CFAP100: variants seen among roughly 807,000 people sequenced by gnomAD.
The protein encoded by CFAP100 is cilia- and flagella-associated protein 100.
Under a neutral mutation model 81.5 loss-of-function variants are expected in CFAP100, and 70 were observed. That is an observed-to-expected ratio of 0.86 (90% CI 0.71 to 1.05). CFAP100 has a LOEUF of 1.05. Among genes scored for constraint, CFAP100 ranks in the 50% least tolerant of loss-of-function variants. The pLI is 0.00. For missense variants in CFAP100, 811 were observed against 776.5 expected, an observed-to-expected ratio of 1.04 and a Z score of -0.53; for synonymous variants, 341 against 314.8, an observed-to-expected ratio of 1.08 and a Z score of -0.88.
chr3:126,414,706 C>T (rs2083207180), intron 4 of CFAP100, among the ~76,000 whole-genome samples: 3 of 152,234 alleles, frequency 2.0e-5, no homozygotes, highest in African/African-American at 7.2e-5. Flanking sequence ...ACTCTTGCCC[C>T]ATCTTCACCC....
At chr3:126,429,356 T>C (rs1933090456) in intron 13 of CFAP100, among the ~76,000 whole-genome samples, 1 of 152,142 alleles carries the variant, frequency 6.6e-6, no homozygotes, top group Non-Finnish European at 1.5e-5. Flanking sequence ...CTCCTTATGT[T>C]TCTTTTTCTG....
intron 15 of CFAP100, 117 bp downstream of exon 15, chr3:126,434,498 C>A: frequency 2.0e-6 from 2 of 988,256 alleles, no homozygotes; most frequent in Non-Finnish European, 3.0e-6. Flanking sequence ...CTGCTCTGTG[C>A]TATGAGAGAC....
chr3:126,418,758 G>A lies in CFAP100; in HGVS notation c.634G>A (p.Val212Met), dbSNP rs113086673. 234 of 1,594,158 alleles carry A rather than the reference G, an allele frequency of 1.5e-4. No homozygotes were observed. The highest frequency in any genetic ancestry group is 2.4e-4 in the South Asian group (21 of 87,570). ...EFVRENDCSS[V>M]QAMRAAEKET... ...CGTCAGGGAGAATGACTGCAGCTCCGTGCAGGCCATGAGAGCGTGAGCCTG... is the reference window on the plus strand; with the variant it reads ...CGTCAGGGAGAATGACTGCAGCTCCATGCAGGCCATGAGAGCGTGAGCCTG... The change falls in exon 7 of 17, where the codon GTG (valine) becomes ATG (methionine). Residue 212 changes from valine (V) to methionine (M), a missense_variant. Val to Met is a conservative substitution (Grantham distance 21, BLOSUM62 1). Transcript: ENST00000352312.
rs138783883 is a variant in CFAP100 at position 126,425,641 on chromosome 3, C to T, written c.1286+1997C>T. Reference sequence around the variant, plus strand: ...GAAAGGAAAAGTAGACACCAATATCCTCAACATAGATGCAAAAATCCTCAA... The same window carrying T: ...GAAAGGAAAAGTAGACACCAATATCTTCAACATAGATGCAAAAATCCTCAA... On this transcript the variant is annotated intron_variant, in intron 13 of 16. Coordinates refer to ENST00000352312, the MANE Select transcript of CFAP100 (RefSeq NM_182628.3). Among the ~76,000 whole-genome samples the T allele has an allele frequency of 9.9e-5, 15 of 152,280 alleles. No individual in the cohort carries two copies. The East Asian group carries it at 2.7e-3, about 27-fold the overall frequency.
chr3:126,436,500 C>G lies in CFAP100; in HGVS notation c.*96C>G. ...TGGGTCTCGAGTGGCCCAACTGAGTCCTCTCTGTCTCCTGTGTGCTCCCTT... is the reference window on the plus strand; with the variant it reads ...TGGGTCTCGAGTGGCCCAACTGAGTGCTCTCTGTCTCCTGTGTGCTCCCTT... On this transcript the variant is annotated 3_prime_UTR_variant, in exon 17 of 17. Coordinates refer to ENST00000352312, the MANE Select transcript of CFAP100 (RefSeq NM_182628.3). 1.2e-6 allele frequency: 1 copy of G among 816,938 alleles called. No homozygotes were observed. The highest frequency in any genetic ancestry group is 1.6e-5 in the South Asian group (1 of 64,012). The allele number at this position is 816,938 out of a possible 1,614,324, so 50.6% of individuals were successfully genotyped here. A position where few individuals can be genotyped will look rare whatever the true frequency, so the allele number is the denominator to read the frequency against.
At chr3:126,406,718 C>T (rs561724518) in intron 2 of CFAP100, among the ~76,000 whole-genome samples, 14 of 152,262 alleles carry the variant, frequency 9.2e-5, no homozygotes, top group South Asian at 2.1e-4. Flanking sequence ...CCACTCCTCA[C>T]GGTGGGATAG....
rs914000435 is a variant in CFAP100 at position 126,434,181 on chromosome 3, G to A, written c.1428G>A (p.Lys476=). 5.0e-6 allele frequency: 8 copies of A among 1,609,330 alleles called. No homozygotes were observed. The highest frequency in any genetic ancestry group is 6.8e-6 in the Non-Finnish European group (8 of 1,176,742). Residue 476 remains lysine (K), a synonymous_variant, in exon 15 of 17, where the codon AAG becomes AAA. Transcript: ENST00000352312. ...GGAAGCCACCTCCTCCACAGGATAAGCTGCTAGAGAGCCTGAACTGCAAGG... is the reference window on the plus strand; with the variant it reads ...GGAAGCCACCTCCTCCACAGGATAAACTGCTAGAGAGCCTGAACTGCAAGG... ...FGEYKGDQQD[K]LLESLNCKVL...
At chr3:126,402,413 G>T (rs752364399) in intron 2 of CFAP100, among the ~76,000 whole-genome samples, 1 of 152,230 alleles carries the variant, frequency 6.6e-6, no homozygotes, top group Non-Finnish European at 1.5e-5. Context: ...GGGAAAGGGG[G>T]ACGTGGGCAG....
chr3:126,420,243 G>A lies in CFAP100; in HGVS notation c.1082+14G>A. On this transcript the variant is annotated intron_variant, in intron 11 of 16. Coordinates refer to ENST00000352312, the MANE Select transcript of CFAP100 (RefSeq NM_182628.3). ...CGACTCCAGAGGGTGAGTGGGCTCG[G>A]GTGGTTGGGAGGGGCTGAGGCCTAG... 2.5e-6 allele frequency: 4 copies of A among 1,590,088 alleles called. No homozygotes were observed. Among genetic ancestry groups the A allele is most frequent in the Non-Finnish European group, 3.4e-6 (4 of 1,174,008 alleles).
intron 13 of CFAP100, among the ~76,000 whole-genome samples, chr3:126,430,689 G>A (rs1933178721): frequency 6.6e-6 from 1 of 150,850 alleles, no homozygotes; most frequent in Admixed American, 6.6e-5. Flanking sequence ...TCTTTCTTCT[G>A]CTTGATCTAG....
At chr3:126,416,014 G>C (rs1013066974) in intron 4 of CFAP100, among the ~76,000 whole-genome samples, 3 of 152,162 alleles carry the variant, frequency 2.0e-5, no homozygotes, top group African/African-American at 7.2e-5. Flanking sequence ...ACTTAAATGT[G>C]GATTTCGGAG....
At chr3:126,423,839 G>C (rs2107612370) in intron 13 of CFAP100, among the ~76,000 whole-genome samples, 195 bp downstream of exon 13, 1 of 152,346 alleles carries the variant, frequency 6.6e-6, no homozygotes, top group East Asian at 1.9e-4. Flanking sequence ...GCTGGGGGTG[G>C]GCAGGGCCCA....
intron 3 of CFAP100, among the ~76,000 whole-genome samples, chr3:126,413,074 A>G (rs1426471227): frequency 1.3e-5 from 2 of 152,266 alleles, no homozygotes; most frequent in Non-Finnish European, 2.9e-5. Flanking sequence ...ACCAGGTCCC[A>G]TGATTCCTAA....
At chr3:126,427,302 G>C (rs1932990069) in intron 13 of CFAP100, among the ~76,000 whole-genome samples, 1 of 152,210 alleles carries the variant, frequency 6.6e-6, no homozygotes, top group Non-Finnish European at 1.5e-5. Flanking sequence ...TGAAAGAATA[G>C]TGAAATAGAT....
chr3:126,416,235 C>CCGGCCTCAGGTCCGCGCG, intron 4 of CFAP100, 81 bp from the exon 5 acceptor site: 2 of 1,298,194 alleles, frequency 1.5e-6, no homozygotes, highest in South Asian at 1.4e-5. Flanking sequence ...ACCCGCGTCC[C>CCGGCCTCAGGTCCGCGCG]TAGGAATGGG....
intron 13 of CFAP100, 127 bp from the exon 14 acceptor site, chr3:126,432,942 C>A: frequency 2.0e-6 from 2 of 989,562 alleles, no homozygotes; most frequent in Non-Finnish European, 2.8e-6. Flanking sequence ...AGAGACTTGG[C>A]ACCCATGATC....
intron 13 of CFAP100, among the ~76,000 whole-genome samples, chr3:126,430,839 G>A (rs1933190812): frequency 6.6e-6 from 1 of 151,820 alleles, no homozygotes; most frequent in South Asian, 2.1e-4. Flanking sequence ...GCCTATCTGT[G>A]TTGTCTTACA....
rs1057404774 is a variant in CFAP100 at position 126,416,297 on chromosome 3, C to T, written c.226-19C>T. 1 of 1,572,592 alleles carries T rather than the reference C, an allele frequency of 6.4e-7. No individual in the cohort carries two copies. The highest frequency in any genetic ancestry group is 1.2e-5 in the South Asian group (1 of 86,848). The stretch of plus-strand genomic sequence containing the variant: ...GGTGGGGAGCCTGGGCCCCGCCCGA[C>T]TTGGCCCGACGCCCCCAGGAACGGC... On this transcript the variant is annotated intron_variant, in intron 4 of 16. Coordinates refer to ENST00000352312, the MANE Select transcript of CFAP100 (RefSeq NM_182628.3).
At chr3:126,400,195 A>G (rs1050577877) in intron 2 of CFAP100, among the ~76,000 whole-genome samples, 10 of 152,222 alleles carry the variant, frequency 6.6e-5, no homozygotes, top group African/African-American at 1.7e-4. Context: ...AAACAACCCA[A>G]TTCAAAACTG....
Sources: gnomAD v4.1 joint callset for allele counts (sites outside exome capture counted in the v4.1 genomes callset) on GRCh38, gnomAD v4.1.1 for gene constraint, MANE v1.5 for transcripts, NCBI Gene and HGNC (gene_info 2026-07-23, HGNC 2026-07-21) for gene names.